The following CMYA5 variants were observed in gnomAD, a reference collection of about 807,000 sequenced individuals.
The protein encoded by CMYA5 is cardiomyopathy associated 5, also known as cardiomyopathy-associated protein 5.
In CMYA5, 246 loss-of-function variants were observed where a neutral mutation model predicts 318.9. The observed-to-expected ratio is 0.77, with a 90% CI of 0.70 to 0.86. CMYA5 has a LOEUF of 0.86. Ranked by LOEUF, CMYA5 falls within the 40% of genes least tolerant of loss-of-function variation. The pLI is 0.00. For missense variants in CMYA5, 4,589 were observed against 4,678.2 expected, an observed-to-expected ratio of 0.98 and a Z score of 0.56; for synonymous variants, 1,641 against 1,729.5, an observed-to-expected ratio of 0.95 and a Z score of 1.27.
chr5:79,755,289 C>T (rs1433658969), intron 6 of CMYA5, among the ~76,000 whole-genome samples: 11 of 151,858 alleles, frequency 7.2e-5, no homozygotes, highest in African/African-American at 2.4e-4. Flanking sequence ...TGGTATCATA[C>T]CTTTTTTTTT....
chr5:79,689,993 A>G lies in CMYA5; in HGVS notation c.86A>G (p.Glu29Gly). The G allele has an allele frequency of 6.9e-7, 1 of 1,445,690 alleles. No individual in the cohort carries two copies. Among genetic ancestry groups the G allele is most frequent in the Non-Finnish European group, 9.4e-7 (1 of 1,065,808 alleles). The allele number at this position is 1,445,690 out of a possible 1,614,324, so 89.6% of individuals were successfully genotyped here. Residue 29 changes from glutamate (E) to glycine (G), a missense_variant, in exon 1 of 13, where the codon GAG (glutamate) becomes GGG (glycine). Coordinates refer to ENST00000446378, the MANE Select transcript of CMYA5 (RefSeq NM_153610.5). Reference sequence around the variant, plus strand: ...GAGGCGACCCGGGAGCTGGAGACCGAGGAGGAGTCGGAGGGCGAGGAGGAC... The same window carrying G: ...GAGGCGACCCGGGAGCTGGAGACCGGGGAGGAGTCGGAGGGCGAGGAGGAC... The part of the protein sequence containing the change: ...DEEATRELET[E>G]EESEGEEDET...
At chr5:79,793,760 A>T in intron 12 of CMYA5, 150 bp downstream of exon 12, 3 of 686,004 alleles carry the variant, frequency 4.4e-6, no homozygotes, top group Non-Finnish European at 7.2e-6. Flanking sequence ...GTATATGGAG[A>T]TGAAACTCTG....
rs1239574059 is a variant in CMYA5, at chr5:79,761,851, C to G, written c.11301C>G (p.Tyr3767Ter). 6.2e-7 allele frequency: 1 copy of G among 1,613,562 alleles called. No individual in the cohort carries two copies. The highest frequency in any genetic ancestry group is 8.5e-7 in the Non-Finnish European group (1 of 1,179,696). Residue 3767 changes from tyrosine (Y) to a stop codon, truncating the protein, a stop_gained, in exon 8 of 13, where the codon TAC (tyrosine) becomes TAG (stop). Transcript: ENST00000446378. LOFTEE classifies it high-confidence loss of function. The stretch of plus-strand genomic sequence containing the variant: ...ACAGACTGACAGTGAAAGAAAGCTA[C>G]TGCATTTTTGAAGATCTGGAACCTG... Reference protein sequence around the residue: ...EEYRLTVKESYCIFEDLEPDR... With the variant: ...EEYRLTVKES
chr5:79,731,403 G>T lies in CMYA5; in HGVS notation c.2638G>T (p.Val880Phe). 1.2e-6 allele frequency: 2 copies of T among 1,613,692 alleles called. No homozygotes were observed. Among genetic ancestry groups the T allele is most frequent in the Non-Finnish European group, 8.5e-7 (1 of 1,179,834 alleles). Residue 880 changes from valine (V) to phenylalanine (F), a missense_variant, in exon 2 of 13, where the codon GTT becomes TTT. Physicochemically the swap from Val to Phe is conservative, Grantham distance 50. Coordinates refer to ENST00000446378, the MANE Select transcript of CMYA5 (RefSeq NM_153610.5). ...ACTTTCAGCCACCCCATCTGAATAT[G>T]TTGTTCTATCAGACGAAGAGGCAGT... ...PPLSATPSEY[V>F]VLSDEEAVEL... is the part of the protein sequence containing the mutation.
intron 5 of CMYA5, 75 bp downstream of exon 5, chr5:79,747,188 T>C (rs2151091089): frequency 7.1e-7 from 1 of 1,415,266 alleles, no homozygotes; most frequent in South Asian, 1.4e-5. Flanking sequence ...TGGTGCTTTA[T>C]GGAAAATGAG....
At position 79,737,528 on chromosome 5, in the gene CMYA5, T is replaced by C. The variant is rs780300026; in HGVS notation, c.8763T>C (p.Tyr2921=). 5.0e-6 allele frequency: 8 copies of C among 1,613,488 alleles called. No homozygotes were observed. The Middle Eastern group carries it at 9.9e-4, about 200-fold the overall frequency. Residue 2921 remains tyrosine, a synonymous_variant, in exon 2 of 13, where the codon TAT becomes TAC. Coordinates refer to ENST00000446378, the MANE Select transcript of CMYA5 (RefSeq NM_153610.5). Reference sequence around the variant, plus strand: ...TGCCCAAGGAACCTGAAGACACATATGCAAAAGGTGAAGACTTTACAGTGA... The same window carrying C: ...TGCCCAAGGAACCTGAAGACACATACGCAAAAGGTGAAGACTTTACAGTGA... ...KEMPKEPEDT[Y]AKGEDFTVTS... is the part of the protein sequence containing the mutation.
Position 79,735,320 on chromosome 5 carries a change from G to A in CMYA5, c.6555G>A (p.Leu2185=), listed in dbSNP as rs748688023. 1.9e-6 allele frequency: 3 copies of A among 1,613,790 alleles called. No individual in the cohort carries two copies. Among genetic ancestry groups the A allele is most frequent in the African/African-American group, 1.3e-5 (1 of 75,020 alleles). Residue 2185 remains leucine, a synonymous_variant, in exon 2 of 13, where the codon TTG becomes TTA. Transcript: ENST00000446378. ...ISSFKSWMSS[L]FFGSSTPDNK... Reference sequence around the variant, plus strand: ...CTTTCAAATCGTGGATGTCCAGCTTGTTTTTTGGATCGAGCACTCCAGATA... The same window carrying A: ...CTTTCAAATCGTGGATGTCCAGCTTATTTTTTGGATCGAGCACTCCAGATA...
intron 1 of CMYA5, among the ~76,000 whole-genome samples, chr5:79,699,129 G>C (rs1199115855): frequency 1.5e-4 from 23 of 152,108 alleles, no homozygotes; most frequent in Non-Finnish European, 4.4e-5. Context: ...CTGCACTCCA[G>C]CCTGGGCGAG....
rs777588886 is a variant in CMYA5 at position 79,698,267 on chromosome 5, A to G, written c.149+8211A>G. On this transcript the variant is annotated intron_variant, in intron 1 of 12. Coordinates refer to ENST00000446378, the MANE Select transcript of CMYA5 (RefSeq NM_153610.5). ...ATAAATCCCCTAGTCATCCATCACCATTTTGGGCATAAATCAGGTTACATT... is the reference window on the plus strand; with the variant it reads ...ATAAATCCCCTAGTCATCCATCACCGTTTTGGGCATAAATCAGGTTACATT... Among the ~76,000 whole-genome samples the G allele has an allele frequency of 4.3e-4, 65 of 151,786 alleles. 1 individual carries two copies. The highest frequency in any genetic ancestry group is 5.9e-5 in the Non-Finnish European group (4 of 67,980).
rs1177775015 is a variant in CMYA5 at position 79,737,116 on chromosome 5, A to G, written c.8351A>G (p.Glu2784Gly). 6.2e-7 allele frequency: 1 copy of G among 1,613,552 alleles called. No homozygotes were observed. Among genetic ancestry groups the G allele is most frequent in the South Asian group, 1.1e-5 (1 of 91,022 alleles). Residue 2784 changes from glutamate to glycine, a missense_variant, in exon 2 of 13, where the codon GAA becomes GGA. This residue lies in a region of CMYA5 where 2,431 missense variants were observed against 2,495.1 expected (regional missense o/e 0.97). Coordinates refer to ENST00000446378, the MANE Select transcript of CMYA5 (RefSeq NM_153610.5). ...GATATCACAAAAGAAAGTATGAAAG[A>G]AGGATTTCCATCTAAAGAATCCGAA... is the stretch of plus-strand genomic sequence containing the variant. ...SVDITKESMKEGFPSKESERT... is the reference protein window; with the variant it reads ...SVDITKESMKGGFPSKESERT...
intron 12 of CMYA5, among the ~76,000 whole-genome samples, chr5:79,794,848 C>A (rs1829247406): frequency 1.3e-5 from 2 of 152,088 alleles, no homozygotes; most frequent in Non-Finnish European, 2.9e-5. Flanking sequence ...ACACCATCTC[C>A]AAGCACTACT....
intron 6 of CMYA5, among the ~76,000 whole-genome samples, chr5:79,756,086 C>T (rs1453762999): frequency 1.3e-5 from 2 of 152,182 alleles, no homozygotes; most frequent in Non-Finnish European, 2.9e-5. Flanking sequence ...CTGCTTGGTC[C>T]TTTCATAGAC....
In CMYA5 at chr5:79,730,774, C is replaced by T. The variant is rs1827875497; in HGVS notation, c.2009C>T (p.Ser670Leu). Residue 670 changes from serine (S) to leucine (L), a missense_variant, in exon 2 of 13, where the codon TCA (serine) becomes TTA (leucine). Coordinates refer to ENST00000446378, the MANE Select transcript of CMYA5 (RefSeq NM_153610.5). ...TCAGAGAACCAGTCTCCACTGTTTTCAACAGTTACACCAGAATACATGGTC... is the reference window on the plus strand; with the variant it reads ...TCAGAGAACCAGTCTCCACTGTTTTTAACAGTTACACCAGAATACATGGTC... ...KTSENQSPLFSTVTPEYMVLS... is the reference protein window; with the variant it reads ...KTSENQSPLFLTVTPEYMVLS... 6.2e-7 allele frequency: 1 copy of T among 1,613,776 alleles called. No individual in the cohort carries two copies. Among genetic ancestry groups the T allele is most frequent in the Non-Finnish European group, 8.5e-7 (1 of 1,179,814 alleles).
intron 9 of CMYA5, among the ~76,000 whole-genome samples, chr5:79,770,313 G>A (rs376324326): frequency 2.6e-5 from 4 of 152,248 alleles, no homozygotes; most frequent in African/African-American, 9.6e-5. Context: ...GGAGTGAATG[G>A]TTCTGTCTTG....
rs1308212236 is a variant in CMYA5, at chr5:79,730,282, A to G, written c.1517A>G (p.Lys506Arg). 6.2e-7 allele frequency: 1 copy of G among 1,613,888 alleles called. No individual in the cohort carries two copies. Among genetic ancestry groups the G allele is most frequent in the Non-Finnish European group, 8.5e-7 (1 of 1,179,878 alleles). ...CCTCTAATGTTAGAAGAACCAGAGA[A>G]AGAAGAAATAGAAACTTCCCTACCC... The part of the protein sequence containing the change: ...SEPLMLEEPE[K>R]EEIETSLPIA... Residue 506 changes from lysine to arginine, a missense_variant, in exon 2 of 13, where the codon AAA becomes AGA. Lys to Arg is a conservative substitution (Grantham distance 26). Around this residue, in one of 3 missense-constraint regions of CMYA5, gnomAD observed 2,132 missense variants for 2,131.3 expected, o/e 1.00. Transcript: ENST00000446378.
At chr5:79,697,265 C>T (rs540068268) in intron 1 of CMYA5, among the ~76,000 whole-genome samples, 8 of 152,204 alleles carry the variant, frequency 5.3e-5, no homozygotes, top group Non-Finnish European at 7.3e-5. Flanking sequence ...CCTCAAGTCC[C>T]AGTCGCTGAA....
intron 1 of CMYA5, among the ~76,000 whole-genome samples, chr5:79,704,221 A>G (rs1439091357): frequency 6.6e-6 from 1 of 151,866 alleles, no homozygotes; most frequent in East Asian, 1.9e-4. Flanking sequence ...AAAAAAAGGT[A>G]TTTAATGCTA....
chr5:79,752,640 A>C, intron 5 of CMYA5, 36 bp from the exon 6 acceptor site: 1 of 1,456,730 alleles, frequency 6.9e-7, no homozygotes, highest in Non-Finnish European at 9.5e-7. Flanking sequence ...TATGTTAATA[A>C]TTTTTTAACT....
At position 79,732,458 on chromosome 5, in the gene CMYA5, A is replaced by G; in HGVS notation, c.3693A>G (p.Pro1231=). The G allele has an allele frequency of 6.2e-7, 1 of 1,613,316 alleles. No homozygotes were observed. Among genetic ancestry groups the G allele is most frequent in the South Asian group, 1.1e-5 (1 of 90,906 alleles). ...SQDQKMEPQP[P]NVPESEMKYS... Reference sequence around the variant, plus strand: ...ATCAAAAAATGGAGCCTCAGCCTCCAAATGTTCCAGAGTCTGAGATGAAAT... The same window carrying G: ...ATCAAAAAATGGAGCCTCAGCCTCCGAATGTTCCAGAGTCTGAGATGAAAT... The change falls in exon 2 of 13, where the codon CCA becomes CCG. Residue 1231 remains proline, a synonymous_variant. Coordinates refer to ENST00000446378, the MANE Select transcript of CMYA5 (RefSeq NM_153610.5).
Sources: allele counts gnomAD v4.1 joint callset (sites outside exome capture counted in the v4.1 genomes callset), GRCh38; gene constraint gnomAD v4.1.1; regional missense constraint gnomAD v4.1.1; transcripts MANE v1.5; gene names NCBI Gene and HGNC (gene_info 2026-07-23, HGNC 2026-07-21).